CFAP74: variants seen among roughly 807,000 people sequenced by gnomAD.
CFAP74 encodes the protein cilia and flagella associated protein 74.
A neutral mutation model predicts 188.9 loss-of-function variants in CFAP74; 124 were observed. That is an observed-to-expected ratio of 0.66 (90% CI 0.57 to 0.76). The LOEUF is 0.76. Ranked by LOEUF, CFAP74 falls within the 30% of genes least tolerant of loss-of-function variation. The pLI, the probability that CFAP74 is intolerant of heterozygous loss-of-function variation, is 0.00. For synonymous variants in CFAP74, 956 were observed against 916.7 expected, an observed-to-expected ratio of 1.04 and a Z score of -0.77; for missense variants, 2,198 against 2,165.2, an observed-to-expected ratio of 1.02 and a Z score of -0.30.
At chr1:1,962,235 G>A (rs1442310940) in intron 14 of CFAP74, among the ~76,000 whole-genome samples, 1 of 152,174 alleles carries the variant, frequency 6.6e-6, no homozygotes, top group Non-Finnish European at 1.5e-5. Flanking sequence ...CATTTTGGGA[G>A]GCCGAGGTGG....
At position 1,923,358 on chromosome 1, in the gene CFAP74, G is replaced by A. The variant is rs1651545833; in HGVS notation, c.4522+9C>T. 3 of 1,559,350 alleles carry A rather than the reference G, an allele frequency of 1.9e-6. 1 individual carries two copies. The South Asian group carries it at 3.5e-5, about 18-fold the overall frequency. ...CCCGTGTCTGTTCCCTCCCTGGGGAGGGGCTCACCCTCTCTGTGCCTGGGG... is the reference window on the plus strand; with the variant it reads ...CCCGTGTCTGTTCCCTCCCTGGGGAAGGGCTCACCCTCTCTGTGCCTGGGG... On this transcript the variant is annotated intron_variant, in intron 36 of 38. Transcript: ENST00000682832. This position sits in a 1 kb window ranked among gnomAD's most constrained non-coding sequence, Gnocchi z 6.3.
chr1:1,941,388 A>G (rs1653365339), intron 22 of CFAP74, among the ~76,000 whole-genome samples: 1 of 152,246 alleles, frequency 6.6e-6, no homozygotes, highest in Non-Finnish European at 1.5e-5. Flanking sequence ...CAGGACGTCC[A>G]GTCTCCAAAG....
intron 16 of CFAP74, among the ~76,000 whole-genome samples, chr1:1,957,041 G>T (rs1017539310): frequency 1.3e-5 from 2 of 152,250 alleles, no homozygotes; most frequent in Admixed American, 1.3e-4. Context: ...GTGAGAGGAC[G>T]CAGGGCCCGG....
intron 14 of CFAP74, among the ~76,000 whole-genome samples, chr1:1,962,694 G>A (rs1655177989): frequency 6.6e-6 from 1 of 152,112 alleles, no homozygotes; most frequent in East Asian, 1.9e-4. Context: ...AGACCAGCCT[G>A]GGAAACACAG....
chr1:1,971,201 ATGCACACC>A (rs1656005601), intron 9 of CFAP74, among the ~76,000 whole-genome samples: 3 of 150,596 alleles, frequency 2.0e-5, no homozygotes, highest in African/African-American at 7.4e-5. Flanking sequence ...ACGTGCTTAC[ATGCACACC>A]TGCACACATA....
chr1:1,939,782 GCA>G lies in CFAP74; in HGVS notation c.2704-17_2704-16del, dbSNP rs1006400198. On this transcript the variant is annotated splice_polypyrimidine_tract_variant and intron_variant, in intron 23 of 38. Transcript: ENST00000682832. The stretch of plus-strand genomic sequence containing the variant: ...ACTGGCTTGTTCTGAGACATAAAGG[GCA>G]CAGGCGCCCTCGCAGCCACTCGGAG... The G allele has an allele frequency of 6.5e-7, 1 of 1,527,984 alleles. No individual in the cohort carries two copies. Among genetic ancestry groups the G allele is most frequent in the African/African-American group, 1.4e-5 (1 of 73,018 alleles). The allele number at this position is 1,527,984 out of a possible 1,614,324, so 94.7% of individuals were successfully genotyped here.
chr1:1,955,395 C>T (rs765235270), intron 18 of CFAP74: 27 of 1,396,770 alleles, frequency 1.9e-5, no homozygotes, highest in Middle Eastern at 1.9e-4. Flanking sequence ...CAGGGGGCAC[C>T]GCAGAGCCTC....
chr1:1,984,966 C>T lies in CFAP74; in HGVS notation c.500+420G>A, dbSNP rs28396155. On this transcript the variant is annotated intron_variant, in intron 6 of 38. Coordinates refer to ENST00000682832, the MANE Select transcript of CFAP74 (RefSeq NM_001304360.2). ...GAGGTCAGCTCAGGGTCCCCTCAGT[C>T]GCCCTGAGAAATTCGTGCACCTTCC... The T allele has an allele frequency of 2.9e-3, 522 of 178,084 alleles. 2 individuals are homozygous for T. The highest frequency in any genetic ancestry group is 0.011 in the African/African-American group (486 of 42,660). The allele number at this position is 178,084 out of a possible 1,614,324, so 11.0% of individuals were successfully genotyped here.
intron 33 of CFAP74, 43 bp downstream of exon 33, chr1:1,925,740 C>T (rs1651833660): frequency 6.3e-7 from 1 of 1,586,954 alleles, no homozygotes; most frequent in South Asian, 1.1e-5. Flanking sequence ...GGAAACCCCT[C>T]CTGGGAGGCT....
chr1:1,953,616 C>T (rs2474455), intron 18 of CFAP74: 97,458 of 153,420 alleles, frequency 0.64, 34,179 homozygotes, highest in Non-Finnish European at 0.79. Flanking sequence ...ATTTTTGACA[C>T]GGACAACGAA....
At chr1:1,990,432 C>T (rs1657501006) in intron 2 of CFAP74, among the ~76,000 whole-genome samples, 1 of 133,682 alleles carries the variant, frequency 7.5e-6, no homozygotes, top group Admixed American at 9.1e-5. Flanking sequence ...GGAGCTGACT[C>T]AGCACACAAC....
chr1:1,948,929 C>T (rs1000287930), intron 18 of CFAP74, among the ~76,000 whole-genome samples: 3 of 13,824 alleles, frequency 2.2e-4, no homozygotes, highest in Admixed American at 7.1e-4. Context: ...TCCTTCCTTC[C>T]TCTTTCCTCC....
At chr1:1,977,407 C>T (rs1656518495) in intron 6 of CFAP74, among the ~76,000 whole-genome samples, 1 of 152,188 alleles carries the variant, frequency 6.6e-6, no homozygotes, top group Non-Finnish European at 1.5e-5. Context: ...TCCCCTCCCT[C>T]GAAGGCAGGC....
chr1:1,959,270 T>C (rs1654893346), intron 15 of CFAP74, 61 bp from the exon 16 acceptor site: 2 of 1,236,380 alleles, frequency 1.6e-6, no homozygotes, highest in Admixed American at 3.6e-5. Flanking sequence ...GTTTTGTTTT[T>C]TTTTTGGACA....
chr1:1,989,025 G>C (rs1019303788), intron 2 of CFAP74, 52 bp from the exon 3 acceptor site: 2 of 932,708 alleles, frequency 2.1e-6, no homozygotes, highest in Non-Finnish European at 3.3e-6. Context: ...TCAAACATTT[G>C]CATCTGAAGT....
In CFAP74 at chr1:1,973,606, G is replaced by A. The variant is rs1656236365; in HGVS notation, c.674+419C>T. Among the ~76,000 whole-genome samples the A allele has an allele frequency of 1.3e-5, 2 of 152,072 alleles. No individual in the cohort carries two copies. Among genetic ancestry groups the A allele is most frequent in the Non-Finnish European group, 2.9e-5 (2 of 68,028 alleles). Reference sequence around the variant, plus strand: ...TCATGACAGAAGACGTGTGGGGAATGGGCCTGAGTGCTCCACAGCCACGCA... The same window carrying A: ...TCATGACAGAAGACGTGTGGGGAATAGGCCTGAGTGCTCCACAGCCACGCA... On this transcript the variant is annotated intron_variant, in intron 7 of 38. Coordinates refer to ENST00000682832, the MANE Select transcript of CFAP74 (RefSeq NM_001304360.2). The surrounding 1 kb of genome is among the most constrained non-coding windows in gnomAD (Gnocchi z 6.2).
At chr1:1,943,358 C>T (rs1395736492) in intron 21 of CFAP74, among the ~76,000 whole-genome samples, 2 of 152,242 alleles carry the variant, frequency 1.3e-5, no homozygotes, top group Non-Finnish European at 2.9e-5. Flanking sequence ...CTGCACATTC[C>T]CGGCCCATGC....
chr1:1,985,335 G>A (rs770099932), intron 6 of CFAP74, 51 bp downstream of exon 6: 17 of 1,492,744 alleles, frequency 1.1e-5, no homozygotes, highest in African/African-American at 1.4e-5. Context: ...GGAAGGACTC[G>A]CACCGTTCTG....
chr1:1,956,321 G>A lies in CFAP74; in HGVS notation c.2016+299C>T, dbSNP rs183290767. ...ACACCTGGGGCTTCAGAGATGCGTC[G>A]GGGGAGGCTGGGTCTCCTGGGGCCC... On this transcript the variant is annotated intron_variant, in intron 17 of 38. Coordinates refer to ENST00000682832, the MANE Select transcript of CFAP74 (RefSeq NM_001304360.2). Among the ~76,000 whole-genome samples the A allele has an allele frequency of 7.5e-3, 1,148 of 152,236 alleles. 23 individuals carry two copies. The highest frequency in any genetic ancestry group is 0.026 in the African/African-American group (1,064 of 41,540).
Sources: gnomAD v4.1 joint callset for allele counts (sites outside exome capture counted in the v4.1 genomes callset) on GRCh38, gnomAD v4.1.1 for gene constraint, Gnocchi (gnomAD v3.1) non-coding constraint, MANE v1.5 for transcripts, NCBI Gene and HGNC (gene_info 2026-07-23, HGNC 2026-07-21) for gene names.